The following EPB41L3 variants were observed in gnomAD, a reference collection of about 807,000 sequenced individuals.
EPB41L3 encodes the protein erythrocyte membrane protein band 4.1 like 3.
A neutral mutation model predicts 127.1 loss-of-function variants in EPB41L3; 57 were observed. That is an observed-to-expected ratio of 0.45 (90% CI 0.36 to 0.56). The LOEUF (loss-of-function observed/expected upper bound fraction) is 0.56, where lower values mean the gene tolerates loss of function less well. Among genes scored for constraint, EPB41L3 ranks in the 20% least tolerant of loss-of-function variants. The probability of loss-of-function intolerance (pLI) is 0.00; values close to 1 mark genes in which losing one functional copy is unlikely to be tolerated. For missense variants in EPB41L3, 1,273 were observed against 1,372.2 expected, an observed-to-expected ratio of 0.93 and a Z score of 1.14; for synonymous variants, 572 against 549.5, an observed-to-expected ratio of 1.04 and a Z score of -0.57.
At chr18:5,489,907 G>T (rs1327507606) in intron 1 of EPB41L3, among the ~76,000 whole-genome samples, 1 of 152,104 alleles carries the variant, frequency 6.6e-6, no homozygotes, top group African/African-American at 2.4e-5. Context: ...ATCTCATAGG[G>T]AACTCAAACA....
At chr18:5,423,686 T>A (rs930932829) in intron 10 of EPB41L3, 133 bp from the exon 11 acceptor site, 4 of 801,994 alleles carry the variant, frequency 5.0e-6, no homozygotes, top group Non-Finnish European at 7.7e-6. Flanking sequence ...GTTAAATAAA[T>A]CTGATTTCAT....
intron 3 of EPB41L3, among the ~76,000 whole-genome samples, chr18:5,456,314 G>A (rs905033476): frequency 6.6e-6 from 1 of 152,090 alleles, no homozygotes; most frequent in Non-Finnish European, 1.5e-5. Context: ...TATTAGTAGG[G>A]CAAGGCTGAG....
At chr18:5,447,402 T>C (rs1023232130) in intron 3 of EPB41L3, among the ~76,000 whole-genome samples, 2 of 151,760 alleles carry the variant, frequency 1.3e-5, no homozygotes, top group East Asian at 1.9e-4. Context: ...TCCCACTCTT[T>C]AGATATTAGA....
chr18:5,591,151 A>T (rs761571435), intron 3 of EPB41L3, among the ~76,000 whole-genome samples: 12 of 152,232 alleles, frequency 7.9e-5, no homozygotes, highest in Non-Finnish European at 1.6e-4. Context: ...TCTATATATT[A>T]TCTTCTCTCT....
chr18:5,549,688 G>C lies in EPB41L3; in HGVS notation c.-305-60527C>G, dbSNP rs1568560292. 2.6e-5 allele frequency among the ~76,000 whole-genome samples: 4 copies of C among 152,214 alleles called. No individual in the cohort carries two copies. The South Asian group carries it at 8.3e-4, about 32-fold the overall frequency. ...AGCCTTAACTGAGTCGGAAGCTCTG[G>C]GGTGGGGTCCAGGGAGCAGCCATTT... On this transcript the variant is annotated intron_variant, in intron 3 of 21. Transcript: ENST00000545076.
intron 1 of EPB41L3, among the ~76,000 whole-genome samples, chr18:5,532,016 G>A (rs946136013): frequency 9.9e-5 from 15 of 152,206 alleles, no homozygotes; most frequent in Non-Finnish European, 2.9e-5. Flanking sequence ...AGGGCCTGCC[G>A]TGTGTGAGGC....
intron 3 of EPB41L3, among the ~76,000 whole-genome samples, chr18:5,603,654 A>G (rs1378958756): frequency 6.6e-6 from 1 of 152,098 alleles, no homozygotes; most frequent in Non-Finnish European, 1.5e-5. Context: ...AGGCCAAGGC[A>G]GGAGGATCAC....
intron 1 of EPB41L3, among the ~76,000 whole-genome samples, chr18:5,502,134 C>T (rs190414945): frequency 4.9e-4 from 75 of 152,286 alleles, no homozygotes; most frequent in African/African-American, 1.5e-3. Context: ...ATTCTGACTA[C>T]GGGAGTTGAA....
intron 1 of EPB41L3, among the ~76,000 whole-genome samples, chr18:5,490,551 A>G (rs1295721059): frequency 6.6e-6 from 1 of 152,206 alleles, no homozygotes; most frequent in Non-Finnish European, 1.5e-5. Context: ...TGAATAAAAG[A>G]GACATATCAA....
intron 2 of EPB41L3, chr18:5,479,973 A>G (rs2088085337): frequency 6.6e-6 from 1 of 152,230 alleles, no homozygotes; most frequent in South Asian, 2.1e-4. Flanking sequence ...TAAGTGCTTT[A>G]TAACTTACAC....
chr18:5,396,617 T>C (rs183678269), intron 18 of EPB41L3, among the ~76,000 whole-genome samples: 2 of 152,264 alleles, frequency 1.3e-5, no homozygotes, highest in African/African-American at 4.8e-5. Context: ...TAATGAGACA[T>C]TAACTCCCCA....
chr18:5,599,018 G>T (rs1173940359), intron 3 of EPB41L3, among the ~76,000 whole-genome samples: 1 of 152,192 alleles, frequency 6.6e-6, no homozygotes, highest in African/African-American at 2.4e-5. Context: ...TTGGAAGTTT[G>T]ACATGCAGAA....
intron 1 of EPB41L3, among the ~76,000 whole-genome samples, chr18:5,494,580 CG>C (rs911010474): frequency 1.4e-4 from 22 of 151,974 alleles, no homozygotes; most frequent in South Asian, 4.2e-4. Flanking sequence ...TCGCTTGAAC[CG>C]GGGAGGCAGA....
At chr18:5,411,527 A>G (rs2144400243) in intron 13 of EPB41L3, among the ~76,000 whole-genome samples, 1 of 152,232 alleles carries the variant, frequency 6.6e-6, no homozygotes, top group South Asian at 2.1e-4. Context: ...ACAGGGGTTT[A>G]TGGCTTAAAA....
intron 1 of EPB41L3, chr18:5,518,551 A>C (rs2092848367): frequency 6.6e-6 from 1 of 152,212 alleles, no homozygotes; most frequent in Non-Finnish European, 1.5e-5. Flanking sequence ...CCAGAACAGC[A>C]GGGGTTTGTA....
At chr18:5,602,171 C>T (rs887671554) in intron 3 of EPB41L3, among the ~76,000 whole-genome samples, 2 of 152,182 alleles carry the variant, frequency 1.3e-5, no homozygotes, top group Admixed American at 1.3e-4. Context: ...GCTACAATAA[C>T]ATCAAGTGTT....
chr18:5,395,832 A>G, intron 19 of EPB41L3, 125 bp from the exon 20 acceptor site: 1 of 749,960 alleles, frequency 1.3e-6, no homozygotes, highest in East Asian at 2.5e-5. Context: ...TATGCTCTTC[A>G]GAGTCTGAGC....
intron 1 of EPB41L3, among the ~76,000 whole-genome samples, chr18:5,509,256 A>T (rs574810034): frequency 6.6e-6 from 1 of 152,322 alleles, no homozygotes; most frequent in East Asian, 1.9e-4. Flanking sequence ...CACCTGGCCC[A>T]AACAACACCC....
chr18:5,394,455 T>C, intron 22 of EPB41L3: 2 of 489,012 alleles, frequency 4.1e-6, no homozygotes, highest in Non-Finnish European at 7.4e-6. Context: ...ACTCTGCTCT[T>C]CCTTTATCCT....
Sources: gnomAD v4.1 joint callset for allele counts (sites outside exome capture counted in the v4.1 genomes callset) on GRCh38, gnomAD v4.1.1 for gene constraint, MANE v1.5 for transcripts, NCBI Gene and HGNC (gene_info 2026-07-23, HGNC 2026-07-21) for gene names.